The following TMEM39B variants were observed in gnomAD, a reference collection of about 807,000 sequenced individuals.
TMEM39B encodes transmembrane protein 39B.
In TMEM39B, 23 loss-of-function variants were observed where a neutral mutation model predicts 52.2. The observed-to-expected ratio is 0.44, with a 90% CI of 0.32 to 0.62. TMEM39B has a LOEUF of 0.62. Ranked by LOEUF, TMEM39B falls within the 20% of genes least tolerant of loss-of-function variation. The pLI is 0.06. For missense variants in TMEM39B, 547 were observed against 642.0 expected (o/e 0.85, Z 1.60); for synonymous variants, 285 against 264.0 (o/e 1.08, Z -0.77).
At chr1:32,098,542 C>CT (rs1405734526) in intron 7 of TMEM39B, among the ~76,000 whole-genome samples, 1 of 151,752 alleles carries the variant, frequency 6.6e-6, no homozygotes, top group Non-Finnish European at 1.5e-5. Context: ...GCCATCCTGG[C>CT]TAACACGGTG....
At chr1:32,096,236 T>G (rs757586863) in intron 7 of TMEM39B, among the ~76,000 whole-genome samples, 2 of 152,072 alleles carry the variant, frequency 1.3e-5, no homozygotes, top group African/African-American at 4.8e-5. Flanking sequence ...CCTTTAGCAC[T>G]TTGCTTCCTC....
At chr1:32,100,859 C>T (rs1242131720) in intron 8 of TMEM39B, among the ~76,000 whole-genome samples, 3 of 152,030 alleles carry the variant, frequency 2.0e-5, no homozygotes, top group Non-Finnish European at 4.4e-5. Context: ...GGTGAAACCT[C>T]GTCTCCACTA....
At chr1:32,078,544 A>G (rs1275747453) in intron 5 of TMEM39B, among the ~76,000 whole-genome samples, 6 of 152,170 alleles carry the variant, frequency 3.9e-5, no homozygotes, top group Non-Finnish European at 8.8e-5. Context: ...AGCTTTTAAC[A>G]TGGAAAAAGA....
In TMEM39B at chr1:32,082,605, C is replaced by T. The variant is rs566740216; in HGVS notation, c.590+5287C>T. On this transcript the variant is annotated intron_variant, in intron 5 of 8. Transcript: ENST00000336294. Reference sequence around the variant, plus strand: ...GAGTAGCTGGGATTACAGGTGTGCACCACCACGCCCAGCTAATTTTTTGTA... The same window carrying T: ...GAGTAGCTGGGATTACAGGTGTGCATCACCACGCCCAGCTAATTTTTTGTA... Among the ~76,000 whole-genome samples the T allele has an allele frequency of 7.9e-5, 12 of 151,746 alleles. No homozygotes were observed. In the South Asian group the frequency reaches 2.3e-3, roughly 29 times the overall value.
chr1:32,078,382 C>T (rs747681199), intron 5 of TMEM39B, among the ~76,000 whole-genome samples: 1 of 151,952 alleles, frequency 6.6e-6, no homozygotes, highest in Non-Finnish European at 1.5e-5. Flanking sequence ...ACTCAGGAAG[C>T]TGAGGTGGGA....
At chr1:32,100,585 G>A in intron 8 of TMEM39B, 23 bp downstream of exon 8, 1 of 1,614,106 alleles carries the variant, frequency 6.2e-7, no homozygotes, top group Non-Finnish European at 8.5e-7. Context: ...CCCGGGGAAG[G>A]AGGGTTGGGG....
intron 8 of TMEM39B, among the ~76,000 whole-genome samples, chr1:32,101,758 A>G (rs1186141006): frequency 6.6e-6 from 1 of 152,164 alleles, no homozygotes; most frequent in African/African-American, 2.4e-5. Context: ...CCTGTCCTGT[A>G]AGCAGCTCTT....
chr1:32,076,437 T>G, intron 3 of TMEM39B: 1 of 417,094 alleles, frequency 2.4e-6, no homozygotes, highest in Admixed American at 3.3e-5. Context: ...AATCCAGTAG[T>G]GGAGATGAAC....
intron 5 of TMEM39B, among the ~76,000 whole-genome samples, chr1:32,090,078 G>A (rs1569913999): frequency 6.6e-6 from 1 of 151,870 alleles, no homozygotes; most frequent in African/African-American, 2.4e-5. Flanking sequence ...AACTCCTGGG[G>A]GCAGCCCAGG....
chr1:32,093,855 G>A (rs1230073755), intron 6 of TMEM39B, among the ~76,000 whole-genome samples: 1 of 149,298 alleles, frequency 6.7e-6, no homozygotes, highest in Non-Finnish European at 1.5e-5. Flanking sequence ...GTCTCGCTCT[G>A]TTGCCCAGGC....
At chr1:32,078,171 A>G (rs969310534) in intron 5 of TMEM39B, among the ~76,000 whole-genome samples, 3 of 152,152 alleles carry the variant, frequency 2.0e-5, no homozygotes, top group Non-Finnish European at 2.9e-5. Context: ...TCCTTCAGTT[A>G]TATCTACTTT....
intron 1 of TMEM39B, 46 bp downstream of exon 1, chr1:32,073,097 G>C: frequency 7.1e-7 from 1 of 1,412,960 alleles, no homozygotes; most frequent in South Asian, 1.5e-5. Flanking sequence ...GCGGGCGCAC[G>C]GGTTAGGATG....
At chr1:32,089,295 C>G (rs962215142) in intron 5 of TMEM39B, among the ~76,000 whole-genome samples, 1 of 151,872 alleles carries the variant, frequency 6.6e-6, no homozygotes, top group Non-Finnish European at 1.5e-5. Context: ...TGTAGTCTGG[C>G]TACTTTTTGT....
intron 5 of TMEM39B, among the ~76,000 whole-genome samples, chr1:32,090,662 C>T (rs917475959): frequency 3.3e-5 from 5 of 151,884 alleles, no homozygotes; most frequent in African/African-American, 4.8e-5. Flanking sequence ...TTTTTTGAGA[C>T]GGAGTCTCGC....
rs375517679 is a variant in TMEM39B at position 32,102,575 on chromosome 1, T to C, written c.1381T>C (p.Tyr461His). Residue 461 changes from tyrosine (Y) to histidine (H), a missense_variant, in exon 9 of 9, where the codon TAT becomes CAT. By Grantham distance (83) the Tyr-to-His change is moderately conservative. Coordinates refer to ENST00000336294, the MANE Select transcript of TMEM39B (RefSeq NM_018056.4). ...SLALILFSNY[Y>H]AFFKLLRDRL... ...GGCCCTCATCCTCTTCAGCAACTAC[T>C]ATGCCTTCTTCAAGCTGCTCCGGGA... 10 of 1,614,002 alleles carry C rather than the reference T, an allele frequency of 6.2e-6. No homozygotes were observed. The African/African-American group carries it at 9.3e-5, about 15-fold the overall frequency.
At chr1:32,093,650 GATC>G (rs1042908495) in intron 6 of TMEM39B, among the ~76,000 whole-genome samples, 2 of 151,500 alleles carry the variant, frequency 1.3e-5, no homozygotes, top group African/African-American at 4.9e-5. Context: ...GACCTCAAGT[GATC>G]CACCCAACTT....
rs1482270790 is a variant in TMEM39B, at chr1:32,083,407, T to C, written c.590+6089T>C. 6.9e-5 allele frequency among the ~76,000 whole-genome samples: 9 copies of C among 130,420 alleles called. No individual in the cohort carries two copies. The East Asian group carries it at 2.0e-3, about 29-fold the overall frequency. 85.6% of individuals were successfully genotyped at this position (130,420 alleles called of 152,430 possible). The stretch of plus-strand genomic sequence containing the variant: ...CGGCAGGAACATTTTTTTAAAGGAC[T>C]TCTTTTTTTTTTTTTTTTTTTTTTT... On this transcript the variant is annotated intron_variant, in intron 5 of 8. Coordinates refer to ENST00000336294, the MANE Select transcript of TMEM39B (RefSeq NM_018056.4).
intron 7 of TMEM39B, 67 bp downstream of exon 7, chr1:32,095,038 A>G: frequency 6.5e-7 from 1 of 1,541,050 alleles, no homozygotes. Flanking sequence ...TCACTTGTCC[A>G]CTCGCTGATT....
chr1:32,100,423 C>G lies in TMEM39B; in HGVS notation c.1116-19C>G. ...TGGGTGAGCTGGGGATAAGGGGCAC[C>G]ATTGAACTGTGCCCCCAGGTGGACT... is the stretch of plus-strand genomic sequence containing the variant. On this transcript the variant is annotated intron_variant, in intron 7 of 8. Coordinates refer to ENST00000336294, the MANE Select transcript of TMEM39B (RefSeq NM_018056.4). The G allele has an allele frequency of 6.4e-7, 1 of 1,569,166 alleles. No individual in the cohort carries two copies. The highest frequency in any genetic ancestry group is 8.6e-7 in the Non-Finnish European group (1 of 1,158,774).
Sources: gnomAD v4.1 joint callset for allele counts (sites outside exome capture counted in the v4.1 genomes callset) on GRCh38, gnomAD v4.1.1 for gene constraint, MANE v1.5 for transcripts, NCBI Gene and HGNC (gene_info 2026-07-23, HGNC 2026-07-21) for gene names.